The following ST6GALNAC5 variants were observed in gnomAD, a reference collection of about 807,000 sequenced individuals.
ST6GALNAC5 encodes ST6 N-acetylgalactosaminide alpha-2,6-sialyltransferase 5.
A neutral mutation model predicts 33.6 loss-of-function variants in ST6GALNAC5; 27 were observed. The observed-to-expected ratio is 0.80, with a 90% confidence interval of 0.59 to 1.11. The LOEUF is 1.11. Ranked by LOEUF, ST6GALNAC5 falls within the 50% of genes least tolerant of loss-of-function variation. ST6GALNAC5 has a pLI of 0.00. For synonymous variants in ST6GALNAC5, 194 were observed against 171.2 expected (o/e 1.13, Z -1.04); for missense variants, 428 against 454.0 (o/e 0.94, Z 0.52).
intron 2 of ST6GALNAC5, among the ~76,000 whole-genome samples, chr1:76,895,871 A>C (rs977157413): frequency 1.3e-5 from 2 of 152,204 alleles, no homozygotes; most frequent in Admixed American, 6.5e-5. Context: ...TCTGTACAGG[A>C]GCTCAAATGG....
chr1:77,054,238 C>T (rs937783906), intron 4 of ST6GALNAC5, among the ~76,000 whole-genome samples: 1 of 152,156 alleles, frequency 6.6e-6, no homozygotes, highest in African/African-American at 2.4e-5. Context: ...TGCCTGTCAG[C>T]AGCATCTGAC....
intron 2 of ST6GALNAC5, among the ~76,000 whole-genome samples, chr1:77,024,619 G>C (rs1350102262): frequency 6.6e-6 from 1 of 152,200 alleles, no homozygotes; most frequent in Non-Finnish European, 1.5e-5. Context: ...GATGGCCAGG[G>C]AAGGTCTCCA....
At chr1:76,933,346 G>T (rs753209961) in intron 2 of ST6GALNAC5, among the ~76,000 whole-genome samples, 7 of 152,082 alleles carry the variant, frequency 4.6e-5, no homozygotes, top group Non-Finnish European at 8.8e-5. Flanking sequence ...CTAGGCTCCA[G>T]ATAAGGACCC....
intron 2 of ST6GALNAC5, among the ~76,000 whole-genome samples, chr1:76,985,695 C>A (rs1181487159): frequency 1.3e-5 from 2 of 152,138 alleles, no homozygotes; most frequent in African/African-American, 4.8e-5. Flanking sequence ...GCCCGCATTG[C>A]CAAGTAAATC....
chr1:76,956,159 C>A (rs1307742848), intron 2 of ST6GALNAC5, among the ~76,000 whole-genome samples: 1 of 152,002 alleles, frequency 6.6e-6, no homozygotes, highest in Admixed American at 6.6e-5. Flanking sequence ...TACTTTGAAA[C>A]CGGATATGAT....
chr1:76,867,729 G>A (rs1653374015), intron 1 of ST6GALNAC5, 39 bp downstream of exon 1: 2 of 1,613,930 alleles, frequency 1.2e-6, no homozygotes, highest in African/African-American at 2.7e-5. Flanking sequence ...CAAAGAGGGG[G>A]ATCCCCGGGC....
At chr1:76,916,457 A>T (rs1646976257) in intron 2 of ST6GALNAC5, among the ~76,000 whole-genome samples, 1 of 152,154 alleles carries the variant, frequency 6.6e-6, no homozygotes, top group Admixed American at 6.6e-5. Flanking sequence ...AACTTTTATG[A>T]TCAAAAAATT....
chr1:76,868,664 G>A lies in ST6GALNAC5; in HGVS notation c.183G>A (p.Glu61=). The change falls in exon 2 of 5, where the codon GAG becomes GAA. Residue 61 remains glutamate, a synonymous_variant. Coordinates refer to ENST00000477717, the MANE Select transcript of ST6GALNAC5 (RefSeq NM_030965.3). The surrounding 1 kb of genome is among the most constrained non-coding windows in gnomAD (Gnocchi z 4.3). ...CCGGCAGCTCGCAGCCGGCGGCGGA[G>A]AGCAGCACCCAGCAGCGCCCCGGGG... The part of the protein sequence containing the change: ...SATGSSQPAA[E]SSTQQRPGVP... 6.3e-7 allele frequency: 1 copy of A among 1,586,946 alleles called. No homozygotes were observed. Among genetic ancestry groups the A allele is most frequent in the Non-Finnish European group, 8.6e-7 (1 of 1,165,432 alleles).
chr1:76,913,806 C>A (rs1364349397), intron 2 of ST6GALNAC5, among the ~76,000 whole-genome samples: 1 of 152,148 alleles, frequency 6.6e-6, no homozygotes, highest in Non-Finnish European at 1.5e-5. Context: ...CCTCTCTCAC[C>A]ACTCCTTTTC....
chr1:76,953,600 A>G (rs1647838320), intron 2 of ST6GALNAC5, among the ~76,000 whole-genome samples: 1 of 152,120 alleles, frequency 6.6e-6, no homozygotes, highest in African/African-American at 2.4e-5. Context: ...TATGGTTTGC[A>G]AGCTTTTTCT....
chr1:77,005,337 C>T (rs922113009), intron 2 of ST6GALNAC5, among the ~76,000 whole-genome samples: 13 of 152,220 alleles, frequency 8.5e-5, no homozygotes, highest in Admixed American at 3.9e-4. Context: ...AATGCCTCGC[C>T]CTGCTTCGGC....
intron 2 of ST6GALNAC5, among the ~76,000 whole-genome samples, chr1:76,956,277 G>GA (rs543765187): frequency 0.026 from 3,556 of 136,438 alleles, 118 homozygotes; most frequent in African/African-American, 0.087. Flanking sequence ...CCAAGATCCA[G>GA]AAAAAAAAAA....
chr1:76,930,914 G>T (rs1180528272), intron 2 of ST6GALNAC5, among the ~76,000 whole-genome samples: 1 of 152,124 alleles, frequency 6.6e-6, no homozygotes, highest in East Asian at 1.9e-4. Context: ...TCCAATTCTT[G>T]TCTCCTGGTG....
At chr1:76,967,647 G>C (rs1335921441) in intron 2 of ST6GALNAC5, among the ~76,000 whole-genome samples, 1 of 152,204 alleles carries the variant, frequency 6.6e-6, no homozygotes, top group Middle Eastern at 3.4e-3. Context: ...GTTTGCTCTT[G>C]CTTCACTGGT....
intron 2 of ST6GALNAC5, among the ~76,000 whole-genome samples, chr1:76,972,441 T>C (rs573407547): frequency 2.5e-4 from 38 of 152,352 alleles, no homozygotes; most frequent in Non-Finnish European, 5.0e-4. Context: ...AAGTGATACA[T>C]ACTTTACACA....
intron 2 of ST6GALNAC5, among the ~76,000 whole-genome samples, chr1:76,966,892 A>C (rs1463323995): frequency 6.6e-6 from 1 of 152,146 alleles, no homozygotes; most frequent in Non-Finnish European, 1.5e-5. Flanking sequence ...TATGTGATGG[A>C]TTATATTTAT....
At chr1:76,938,390 C>A (rs1408812337) in intron 2 of ST6GALNAC5, among the ~76,000 whole-genome samples, 1 of 151,960 alleles carries the variant, frequency 6.6e-6, no homozygotes, top group Non-Finnish European at 1.5e-5. Context: ...AACACTTAAA[C>A]GTATCATTTG....
chr1:77,041,980 T>A (rs1004198548), intron 2 of ST6GALNAC5, among the ~76,000 whole-genome samples: 8 of 152,214 alleles, frequency 5.3e-5, no homozygotes, highest in Admixed American at 4.6e-4. Context: ...CTTATTCTAC[T>A]GCACTGTGTT....
intron 2 of ST6GALNAC5, among the ~76,000 whole-genome samples, chr1:76,926,046 C>T (rs1327268411): frequency 6.6e-6 from 1 of 152,156 alleles, no homozygotes; most frequent in Admixed American, 6.5e-5. Context: ...AGCTGAAACA[C>T]TTGTGGGAAA....
Sources: gnomAD v4.1 joint callset for allele counts (sites outside exome capture counted in the v4.1 genomes callset) on GRCh38, gnomAD v4.1.1 for gene constraint, Gnocchi (gnomAD v3.1) non-coding constraint, MANE v1.5 for transcripts, NCBI Gene and HGNC (gene_info 2026-07-23, HGNC 2026-07-21) for gene names.